Variants in SLIT1 observed in about 807,000 individuals in gnomAD.
The protein encoded by SLIT1 is slit homolog 1 protein.
In SLIT1, 66 loss-of-function variants were observed where a neutral mutation model predicts 186.1. The ratio of observed to expected loss-of-function variants is 0.35; its 90% CI spans 0.29 to 0.44. SLIT1 has a LOEUF of 0.44. SLIT1 is among the 20% of genes least tolerant of loss of function. The pLI is 1.00. For synonymous variants in SLIT1, 761 were observed against 833.8 expected (o/e 0.91, Z 1.50); for missense variants, 1,638 against 2,037.4 (o/e 0.80, Z 3.77).
At chr10:97,152,199 G>A (rs1849888710) in intron 4 of SLIT1, among the ~76,000 whole-genome samples, 1 of 152,112 alleles carries the variant, frequency 6.6e-6, no homozygotes, top group African/African-American at 2.4e-5. Context: ...CCCACCACAT[G>A]CCAGCCTCCC....
intron 1 of SLIT1, among the ~76,000 whole-genome samples, chr10:97,166,682 AAAAG>A (rs1398724538): frequency 5.3e-5 from 8 of 152,214 alleles, no homozygotes; most frequent in Non-Finnish European, 8.8e-5. Context: ...GAAAAAAGAA[AAAAG>A]AAAGAGCGAG....
chr10:97,003,103 G>T, intron 34 of SLIT1, 111 bp from the exon 35 acceptor site: 1 of 1,047,998 alleles, frequency 9.5e-7, no homozygotes, highest in Non-Finnish European at 1.4e-6. Context: ...TGCGGCCTCT[G>T]TCCTTCATCT....
At chr10:97,072,970 T>C (rs1221629071) in intron 4 of SLIT1, among the ~76,000 whole-genome samples, 3 of 152,342 alleles carry the variant, frequency 2.0e-5, no homozygotes. Context: ...TGCGGGCTGT[T>C]GTCCCTGCCC....
chr10:97,052,791 T>C (rs1434091959), intron 13 of SLIT1, among the ~76,000 whole-genome samples: 1 of 152,220 alleles, frequency 6.6e-6, no homozygotes, highest in Non-Finnish European at 1.5e-5. Flanking sequence ...TTTAATAAAA[T>C]AAGACTCAGT....
chr10:97,139,378 C>A (rs1481625981), intron 4 of SLIT1, among the ~76,000 whole-genome samples: 1 of 152,240 alleles, frequency 6.6e-6, no homozygotes, highest in East Asian at 1.9e-4. Flanking sequence ...CATCCCCATT[C>A]TCTTCTTTCC....
chr10:97,098,822 G>A (rs992187285), intron 4 of SLIT1, among the ~76,000 whole-genome samples: 2 of 152,214 alleles, frequency 1.3e-5, no homozygotes, highest in Non-Finnish European at 2.9e-5. Flanking sequence ...CCCAAATGGA[G>A]GGATCTGACT....
rs1332021411 is a variant in SLIT1, at chr10:97,043,992, C to G, written c.1854-479G>C. Among the ~76,000 whole-genome samples, 1 of 152,224 alleles carries G rather than the reference C, an allele frequency of 6.6e-6. No individual in the cohort carries two copies. The highest frequency in any genetic ancestry group is 1.5e-5 in the Non-Finnish European group (1 of 68,032). ...CAGACCCGGACCATCTCAGCCCTGG[C>G]ACCTGCCTGCCTCCCTAGAGATGGA... On this transcript the variant is annotated intron_variant, in intron 18 of 36. Coordinates refer to ENST00000266058, the MANE Select transcript of SLIT1 (RefSeq NM_003061.3). This position sits in a 1 kb window ranked among gnomAD's most constrained non-coding sequence, Gnocchi z 7.0.
intron 8 of SLIT1, 65 bp downstream of exon 8, chr10:97,063,390 G>T: frequency 6.4e-7 from 1 of 1,565,678 alleles, no homozygotes; most frequent in Non-Finnish European, 8.8e-7. Flanking sequence ...GAGATTAGGG[G>T]CGGGAACAAG....
At chr10:97,059,577 GC>G in intron 10 of SLIT1, 46 bp from the exon 11 acceptor site, 1 of 1,457,334 alleles carries the variant, frequency 6.9e-7, no homozygotes, top group Non-Finnish European at 9.6e-7. Flanking sequence ...TCCCTCAACA[GC>G]CACTAAGCCC....
At chr10:97,123,275 C>A (rs773363091) in intron 4 of SLIT1, among the ~76,000 whole-genome samples, 3 of 152,218 alleles carry the variant, frequency 2.0e-5, no homozygotes, top group Admixed American at 6.5e-5. Context: ...AAATCTGACA[C>A]CTTTTATCAG....
At chr10:97,166,545 A>AG (rs1850111394) in intron 1 of SLIT1, among the ~76,000 whole-genome samples, 1 of 35,862 alleles carries the variant, frequency 2.8e-5, no homozygotes, top group Non-Finnish European at 6.9e-5. Flanking sequence ...GAAGGAAGGA[A>AG]GGAAGGAAGG....
intron 1 of SLIT1, among the ~76,000 whole-genome samples, chr10:97,175,801 C>T (rs569990464): frequency 1.3e-3 from 196 of 152,226 alleles, no homozygotes; most frequent in Middle Eastern, 0.01. Context: ...GGAGGCCACC[C>T]GCCACTGACC....
At position 97,060,779 on chromosome 10, in the gene SLIT1, C is replaced by G; in HGVS notation, c.802G>C (p.Glu268Gln). The change falls in exon 9 of 37, where the codon GAA becomes CAA. Residue 268 changes from glutamate to glutamine, a missense_variant. By Grantham distance (29) the Glu-to-Gln change is conservative (BLOSUM62 2). Transcript: ENST00000266058. ...KSEFSCSGQGEAGRVPTCTLS... is the reference protein window; with the variant it reads ...KSEFSCSGQGQAGRVPTCTLS... ...GTGCAGGTGGGCACGCGCCCCGCTT[C>G]TCCCTGGCCTGCAGAAACAGGGGGG... 1 of 1,599,436 alleles carries G rather than the reference C, an allele frequency of 6.3e-7. No homozygotes were observed. Among genetic ancestry groups the G allele is most frequent in the Non-Finnish European group, 8.5e-7 (1 of 1,172,720 alleles).
In SLIT1 at chr10:96,998,251, C is replaced by CTT. The variant is rs1848265248; in HGVS notation, c.*2859_*2860dup. The CTT allele has an allele frequency of 6.6e-6, 1 of 152,228 alleles. No individual in the cohort carries two copies. The highest frequency in any genetic ancestry group is 1.9e-4 in the East Asian group (1 of 5,200). 9.4% of individuals were successfully genotyped at this position (152,228 alleles called of 1,614,324 possible). ...GGCAAAACAAGACGCTGGATGTTGA[C>CTT]TTTAACATATAAAAATACTGTAACA... On this transcript the variant is annotated 3_prime_UTR_variant, in exon 37 of 37. Coordinates refer to ENST00000266058, the MANE Select transcript of SLIT1 (RefSeq NM_003061.3).
intron 4 of SLIT1, among the ~76,000 whole-genome samples, chr10:97,152,180 G>A (rs1849888398): frequency 6.6e-6 from 1 of 152,072 alleles, no homozygotes; most frequent in East Asian, 1.9e-4. Context: ...CAAGGTCACG[G>A]CCCTCCTGCC....
intron 4 of SLIT1, among the ~76,000 whole-genome samples, chr10:97,074,749 C>A (rs1849030471): frequency 1.3e-5 from 2 of 152,220 alleles, no homozygotes; most frequent in Non-Finnish European, 2.9e-5. Flanking sequence ...AAGGGGGCCG[C>A]CAGGCCCACA....
chr10:97,168,537 C>G (rs1343667817), intron 1 of SLIT1, among the ~76,000 whole-genome samples: 1 of 152,240 alleles, frequency 6.6e-6, no homozygotes, highest in Non-Finnish European at 1.5e-5. Context: ...TCCACAACGT[C>G]ATACACTGTG....
At position 97,043,509 on chromosome 10, in the gene SLIT1, G is replaced by C; in HGVS notation, c.1858C>G (p.Leu620Val). ...RGLDGLRTLMLRNNRISCIHN... is the reference protein window; with the variant it reads ...RGLDGLRTLMVRNNRISCIHN... ...ATGCAGCTGATGCGGTTGTTCCGCA[G>C]CATTCTGGGGAGGAACGGGGGAGGG... The change falls in exon 19 of 37, where the codon CTG becomes GTG. Residue 620 changes from leucine (L) to valine (V), a missense_variant. Coordinates refer to ENST00000266058, the MANE Select transcript of SLIT1 (RefSeq NM_003061.3). This position sits in a 1 kb window ranked among gnomAD's most constrained non-coding sequence, Gnocchi z 7.0. The C allele has an allele frequency of 6.2e-7, 1 of 1,613,220 alleles. No homozygotes were observed. The highest frequency in any genetic ancestry group is 2.2e-5 in the East Asian group (1 of 44,888).
intron 4 of SLIT1, among the ~76,000 whole-genome samples, chr10:97,129,744 C>T (rs1334340710): frequency 6.6e-6 from 1 of 152,218 alleles, no homozygotes; most frequent in African/African-American, 2.4e-5. Context: ...ACTCCCTCAT[C>T]CTGCCCACAG....
Sources: gnomAD v4.1 joint callset for allele counts (sites outside exome capture counted in the v4.1 genomes callset) on GRCh38, gnomAD v4.1.1 for gene constraint, Gnocchi (gnomAD v3.1) non-coding constraint, MANE v1.5 for transcripts, NCBI Gene and HGNC (gene_info 2026-07-23, HGNC 2026-07-21) for gene names.